DEPTOR: variants seen among roughly 807,000 people sequenced by gnomAD.
The protein encoded by DEPTOR is DEP domain-containing mTOR-interacting protein.
DEPTOR carries 41 observed loss-of-function variants against 41.6 expected under a neutral mutation model. The observed-to-expected ratio is 0.98, with a 90% CI of 0.77 to 1.28. DEPTOR has a LOEUF of 1.28. Ranked by LOEUF, DEPTOR falls within the 50% of genes most tolerant of loss-of-function variation. The probability of loss-of-function intolerance (pLI) is 0.00; values close to 1 mark genes in which losing one functional copy is unlikely to be tolerated. For missense variants in DEPTOR, 514 were observed against 527.9 expected (o/e 0.97, Z 0.26); for synonymous variants, 195 against 192.3 (o/e 1.01, Z -0.12).
chr8:120,002,127 A>G lies in DEPTOR; in HGVS notation c.790+417A>G, dbSNP rs566582643. ...GTCCAAAAAATTTAAAAATAAATAA[A>G]TAAATACAAGTTTTTGTTTGTTTAT... On this transcript the variant is annotated intron_variant, in intron 5 of 8. Transcript: ENST00000286234. Among the ~76,000 whole-genome samples the G allele has an allele frequency of 2.5e-3, 373 of 152,184 alleles. 4 individuals are homozygous for G. The highest frequency in any genetic ancestry group is 8.2e-3 in the African/African-American group (340 of 41,534).
chr8:119,998,494 A>G (rs189149515), intron 4 of DEPTOR, among the ~76,000 whole-genome samples: 30 of 152,184 alleles, frequency 2.0e-4, no homozygotes, highest in African/African-American at 7.2e-4. Context: ...CATCTATTCA[A>G]GTTTTTTGCT....
intron 3 of DEPTOR, among the ~76,000 whole-genome samples, chr8:119,958,555 G>C (rs112761221): frequency 4.6e-5 from 7 of 152,174 alleles, no homozygotes; most frequent in African/African-American, 1.7e-4. Flanking sequence ...GAGGCCGAGG[G>C]TGAATCACTT....
rs201870960 is a variant in DEPTOR at position 119,915,945 on chromosome 8, TA to T, written c.123-12433del. 4.4e-3 allele frequency among the ~76,000 whole-genome samples: 558 copies of T among 126,668 alleles called. 1 individual carries two copies. The highest frequency in any genetic ancestry group is 0.022 in the Middle Eastern group (5 of 230). The allele number at this position is 126,668 out of a possible 152,430, so 83.1% of individuals were successfully genotyped here. On this transcript the variant is annotated intron_variant, in intron 1 of 8. Transcript: ENST00000286234. ...TTCCTTGATTCAGGACTTCATTTGT[TA>T]AAAAAAAAAAAAAAAAAAAAAGCTG... is the stretch of plus-strand genomic sequence containing the variant.
chr8:119,907,164 A>G (rs564201369), intron 1 of DEPTOR, among the ~76,000 whole-genome samples: 1 of 152,280 alleles, frequency 6.6e-6, no homozygotes, highest in Non-Finnish European at 1.5e-5. Context: ...AACAAAACGT[A>G]AGATCTGGCC....
chr8:119,887,386 T>C (rs1586598747), intron 1 of DEPTOR, among the ~76,000 whole-genome samples: 3 of 29,734 alleles, frequency 1.0e-4, no homozygotes, highest in African/African-American at 1.5e-4. Context: ...TACCCTGCAC[T>C]CCTTTCCCCT....
Position 120,050,378 on chromosome 8 carries a change from G to A in DEPTOR, c.*674G>A, listed in dbSNP as rs556706132. ...AGGGAGAGACTACATGAAATTGTGTGCCCCTATTTTCTTTCTGATCCTAAA... is the reference window on the plus strand; with the variant it reads ...AGGGAGAGACTACATGAAATTGTGTACCCCTATTTTCTTTCTGATCCTAAA... On this transcript the variant is annotated 3_prime_UTR_variant, in exon 9 of 9. Transcript: ENST00000286234. 1 of 151,864 alleles carries A rather than the reference G, an allele frequency of 6.6e-6. No individual in the cohort carries two copies. The highest frequency in any genetic ancestry group is 2.4e-5 in the African/African-American group (1 of 41,460). The allele number at this position is 151,864 out of a possible 1,614,324, so 9.4% of individuals were successfully genotyped here. A position where few individuals can be genotyped will look rare whatever the true frequency, so the allele number is the denominator to read the frequency against.
intron 1 of DEPTOR, among the ~76,000 whole-genome samples, chr8:119,900,351 A>ACCT (rs1827572355): frequency 1.3e-5 from 1 of 78,030 alleles, no homozygotes; most frequent in African/African-American, 3.7e-5. Context: ...AAAAAAAAAA[A>ACCT]AACTAAATGT....
At chr8:119,941,822 G>C (rs1169013742) in intron 3 of DEPTOR, among the ~76,000 whole-genome samples, 1 of 152,330 alleles carries the variant, frequency 6.6e-6, no homozygotes, top group Middle Eastern at 3.4e-3. Context: ...AAGTGTGGGA[G>C]AGCATCTTCA....
At chr8:119,880,415 T>C (rs576128904) in intron 1 of DEPTOR, among the ~76,000 whole-genome samples, 1 of 152,130 alleles carries the variant, frequency 6.6e-6, no homozygotes, top group Non-Finnish European at 1.5e-5. Context: ...AGGCCATAGA[T>C]TATTCAGCCA....
chr8:120,028,882 C>G (rs1031954911), intron 8 of DEPTOR, among the ~76,000 whole-genome samples: 2 of 151,676 alleles, frequency 1.3e-5, no homozygotes, highest in African/African-American at 4.8e-5. Flanking sequence ...GTCAGGAGTT[C>G]GAGACCAGCC....
chr8:120,024,092 C>A (rs1170264346), intron 8 of DEPTOR, among the ~76,000 whole-genome samples: 2 of 152,072 alleles, frequency 1.3e-5, no homozygotes, highest in Non-Finnish European at 2.9e-5. Flanking sequence ...AAAAACTTAG[C>A]CGGGCATGGT....
intron 1 of DEPTOR, among the ~76,000 whole-genome samples, chr8:119,896,498 TTTTTG>T (rs59477615): frequency 6.6e-6 from 1 of 150,752 alleles, no homozygotes; most frequent in Non-Finnish European, 1.5e-5. Context: ...TTTCTTTGTG[TTTTTG>T]TTTTGTTTTG....
chr8:119,912,845 G>C (rs1158249591), intron 1 of DEPTOR, among the ~76,000 whole-genome samples: 2 of 152,228 alleles, frequency 1.3e-5, no homozygotes, highest in Non-Finnish European at 2.9e-5. Context: ...TCTTGTGTGT[G>C]AGGATGTATC....
intron 1 of DEPTOR, among the ~76,000 whole-genome samples, chr8:119,899,165 C>A (rs1487160911): frequency 2.0e-5 from 3 of 152,098 alleles, no homozygotes; most frequent in African/African-American, 7.2e-5. Context: ...GTGATTTATT[C>A]ATTTTGTCAT....
chr8:119,919,082 G>A (rs1827857515), intron 1 of DEPTOR, among the ~76,000 whole-genome samples: 1 of 151,652 alleles, frequency 6.6e-6, no homozygotes. Context: ...ATCTGTATTT[G>A]TTGTTTTGTT....
intron 4 of DEPTOR, among the ~76,000 whole-genome samples, chr8:119,999,661 T>G (rs1369032592): frequency 6.6e-6 from 1 of 152,214 alleles, no homozygotes; most frequent in Non-Finnish European, 1.5e-5. Flanking sequence ...TAGATTTCCT[T>G]AGGGACTAAG....
chr8:120,049,924 C>T lies in DEPTOR; in HGVS notation c.*220C>T, dbSNP rs1226564755. 1 of 405,762 alleles carries T rather than the reference C, an allele frequency of 2.5e-6. No homozygotes were observed. The highest frequency in any genetic ancestry group is 4.5e-5 in the Admixed American group (1 of 22,460). 25.1% of individuals were successfully genotyped at this position (405,762 alleles called of 1,614,324 possible). On this transcript the variant is annotated 3_prime_UTR_variant, in exon 9 of 9. Coordinates refer to ENST00000286234, the MANE Select transcript of DEPTOR (RefSeq NM_022783.4). ...TCAGTGTAGAAAACATTTGGGAAAC[C>T]ATTTTCCTACATGATAGAACTGCCT...
intron 3 of DEPTOR, among the ~76,000 whole-genome samples, chr8:119,955,286 A>C (rs1828403859): frequency 6.6e-6 from 1 of 152,172 alleles, no homozygotes; most frequent in African/African-American, 2.4e-5. Flanking sequence ...TTTAATTTTG[A>C]AATAGTCCAA....
intron 8 of DEPTOR, among the ~76,000 whole-genome samples, chr8:120,036,236 C>A (rs183065534): frequency 9.2e-5 from 14 of 152,324 alleles, no homozygotes; most frequent in Non-Finnish European, 1.6e-4. Context: ...GCATTACAAA[C>A]TTCTCAATTT....
Sources: allele counts gnomAD v4.1 joint callset (sites outside exome capture counted in the v4.1 genomes callset), GRCh38; gene constraint gnomAD v4.1.1; transcripts MANE v1.5; gene names NCBI Gene and HGNC (gene_info 2026-07-23, HGNC 2026-07-21).